Variants in HDAC4 observed in about 807,000 individuals in gnomAD.
HDAC4 encodes the protein histone deacetylase A.
In HDAC4, 16 loss-of-function variants were observed where a neutral mutation model predicts 135.1. The observed-to-expected ratio is 0.12, with a 90% CI of 0.08 to 0.18. The LOEUF (loss-of-function observed/expected upper bound fraction) is 0.18, where lower values mean the gene tolerates loss of function less well. Ranked by LOEUF, HDAC4 falls within the 10% of genes least tolerant of loss-of-function variation. The pLI, the probability that HDAC4 is intolerant of heterozygous loss-of-function variation, is 1.00. For synonymous variants in HDAC4, 685 were observed against 653.4 expected, an observed-to-expected ratio of 1.05 and a Z score of -0.74; for missense variants, 1,143 against 1,511.8, an observed-to-expected ratio of 0.76 and a Z score of 4.05.
intron 5 of HDAC4, among the ~76,000 whole-genome samples, chr2:239,164,785 A>G (rs1362798213): frequency 1.3e-5 from 2 of 152,216 alleles, no homozygotes; most frequent in Admixed American, 1.3e-4. Context: ...GTTGTTAGAA[A>G]CCACGCTGCA....
In HDAC4 at chr2:239,318,220, C is replaced by A. The variant is rs564287535; in HGVS notation, c.22+34458G>T. ...GTAACTTCACAGTGGAAACACCCGC[C>A]AGCATCACCTTCACTGAGAGCTTCC... On this transcript the variant is annotated intron_variant, in intron 2 of 26. Transcript: ENST00000543185. Among the ~76,000 whole-genome samples the A allele has an allele frequency of 5.9e-5, 9 of 152,334 alleles. No individual in the cohort carries two copies. In the South Asian group the frequency reaches 1.9e-3, roughly 32 times the overall value.
chr2:239,391,151 C>T (rs988570363), intron 1 of HDAC4, among the ~76,000 whole-genome samples: 8 of 152,216 alleles, frequency 5.3e-5, no homozygotes, highest in African/African-American at 1.4e-4. Context: ...CATCACGAGC[C>T]GGGCTCTGCA....
rs973980535 is a variant in HDAC4 at position 239,307,541 on chromosome 2, C to T, written c.22+45137G>A. Among the ~76,000 whole-genome samples the T allele has an allele frequency of 1.5e-4, 23 of 152,162 alleles. 1 individual carries two copies. Among genetic ancestry groups the T allele is most frequent in the Non-Finnish European group, 2.9e-5 (2 of 68,030 alleles). On this transcript the variant is annotated intron_variant, in intron 2 of 26. Transcript: ENST00000543185. This position sits in a 1 kb window ranked among gnomAD's most constrained non-coding sequence, Gnocchi z 4.8. ...TCACTAAGGCCCATCTCTGCAGCTC[C>T]GTCCTCTCACCTAGATAAAGTGAGT...
intron 19 of HDAC4, among the ~76,000 whole-genome samples, chr2:239,086,398 T>C (rs571251309): frequency 6.7e-6 from 1 of 149,880 alleles, no homozygotes; most frequent in Non-Finnish European, 1.5e-5. Flanking sequence ...CGGATCTGAC[T>C]ATCTCTCACG....
At chr2:239,264,185 T>C (rs1334450500) in intron 2 of HDAC4, among the ~76,000 whole-genome samples, 2 of 151,708 alleles carry the variant, frequency 1.3e-5, no homozygotes, top group African/African-American at 4.8e-5. Flanking sequence ...GACACCGGAG[T>C]TCCTGCCGCT....
chr2:239,137,169 C>T (rs941205173), intron 9 of HDAC4, among the ~76,000 whole-genome samples: 2 of 152,210 alleles, frequency 1.3e-5, no homozygotes, highest in Non-Finnish European at 2.9e-5. Flanking sequence ...CTTGGAGATG[C>T]CGACTGGTCC....
At chr2:239,266,190 C>T (rs1016804141) in intron 2 of HDAC4, among the ~76,000 whole-genome samples, 10 of 152,208 alleles carry the variant, frequency 6.6e-5, no homozygotes, top group Non-Finnish European at 1.5e-4. Flanking sequence ...GCCGGCATCC[C>T]AGCACAGTGC....
intron 1 of HDAC4, among the ~76,000 whole-genome samples, chr2:239,360,993 G>A (rs1049965195): frequency 3.3e-5 from 5 of 152,114 alleles, no homozygotes; most frequent in East Asian, 3.8e-4. Context: ...CCACACCCAC[G>A]TCCCACCTCC....
chr2:239,056,490 C>T (rs2031865478), intron 24 of HDAC4, among the ~76,000 whole-genome samples: 1 of 152,354 alleles, frequency 6.6e-6, no homozygotes, highest in South Asian at 2.1e-4. Context: ...GAGCAGGAAC[C>T]AGCTGGGCAG....
At chr2:239,178,650 C>A (rs547499308) in intron 4 of HDAC4, among the ~76,000 whole-genome samples, 37 of 152,330 alleles carry the variant, frequency 2.4e-4, no homozygotes, top group African/African-American at 8.7e-4. Flanking sequence ...TCCTAAAGCT[C>A]TGGGATTACG....
Position 239,213,372 on chromosome 2 carries a change from C to A in HDAC4, c.94+23221G>T, listed in dbSNP as rs559754121. Among the ~76,000 whole-genome samples the A allele has an allele frequency of 7.9e-5, 12 of 152,328 alleles. 1 individual carries two copies. The Middle Eastern group carries it at 0.01, about 130-fold the overall frequency. On this transcript the variant is annotated intron_variant, in intron 3 of 26. Coordinates refer to ENST00000543185, the MANE Select transcript of HDAC4 (RefSeq NM_001378414.1). Reference sequence around the variant, plus strand: ...CTTTAAACCCAACAGCACAACTCAGCGGTGCCCGCGCCCCTCATTCCCTGC... The same window carrying A: ...CTTTAAACCCAACAGCACAACTCAGAGGTGCCCGCGCCCCTCATTCCCTGC...
intron 4 of HDAC4, among the ~76,000 whole-genome samples, chr2:239,183,968 C>A (rs1440652764): frequency 2.0e-5 from 3 of 150,524 alleles, no homozygotes; most frequent in South Asian, 4.2e-4. Context: ...AACTAAACAG[C>A]TCTGAAAACT....
chr2:239,249,077 G>T (rs917526192), intron 2 of HDAC4, among the ~76,000 whole-genome samples: 2 of 152,232 alleles, frequency 1.3e-5, no homozygotes, highest in Non-Finnish European at 2.9e-5. Flanking sequence ...TAGACAAAGT[G>T]ACCTGAGAGG....
At chr2:239,310,375 C>G (rs949595274) in intron 2 of HDAC4, among the ~76,000 whole-genome samples, 1 of 152,180 alleles carries the variant, frequency 6.6e-6, no homozygotes, top group Non-Finnish European at 1.5e-5. Context: ...TGGTGTTTAG[C>G]AGATTCTGGA....
At chr2:239,130,439 T>C (rs925779287) in intron 11 of HDAC4, among the ~76,000 whole-genome samples, 7 of 152,162 alleles carry the variant, frequency 4.6e-5, no homozygotes, top group African/African-American at 7.2e-5. Context: ...CACTGCCAGC[T>C]CAGGAAGGCT....
At chr2:239,322,887 C>A (rs2053360622) in intron 2 of HDAC4, among the ~76,000 whole-genome samples, 2 of 152,136 alleles carry the variant, frequency 1.3e-5, no homozygotes, top group African/African-American at 4.8e-5. Flanking sequence ...CTCGGGAAGC[C>A]CAGAAAGAAC....
Position 239,336,983 on chromosome 2 carries a change from C to T in HDAC4, c.22+15695G>A, listed in dbSNP as rs575627190. 2.0e-5 allele frequency among the ~76,000 whole-genome samples: 3 copies of T among 152,256 alleles called. No homozygotes were observed. In the East Asian group the frequency reaches 5.8e-4, roughly 29 times the overall value. On this transcript the variant is annotated intron_variant, in intron 2 of 26. Coordinates refer to ENST00000543185, the MANE Select transcript of HDAC4 (RefSeq NM_001378414.1). ...CTTGTTTCTGATGACCTTGGCATAT[C>T]GAGTGGGCCTGGCAAGAGTAGACTG...
At chr2:239,337,452 CCTCT>C (rs1003249480) in intron 2 of HDAC4, among the ~76,000 whole-genome samples, 8 of 152,156 alleles carry the variant, frequency 5.3e-5, no homozygotes, top group Non-Finnish European at 7.3e-5. Context: ...CTGCAAACTT[CCTCT>C]CTCTAACAGG....
intron 4 of HDAC4, among the ~76,000 whole-genome samples, chr2:239,183,573 G>A (rs150603608): frequency 7.2e-5 from 11 of 152,328 alleles, no homozygotes; most frequent in African/African-American, 1.7e-4. Flanking sequence ...CCACTGCCAC[G>A]TGCATGTGCC....
Sources: allele counts gnomAD v4.1 joint callset (sites outside exome capture counted in the v4.1 genomes callset), GRCh38; gene constraint gnomAD v4.1.1; non-coding constraint Gnocchi (gnomAD v3.1); transcripts MANE v1.5; gene names NCBI Gene and HGNC (gene_info 2026-07-23, HGNC 2026-07-21).